Variants in TTLL7 observed in about 807,000 individuals in gnomAD.
TTLL7 encodes the protein tubulin polyglutamylase TTLL7.
TTLL7 carries 53 observed loss-of-function variants against 120.2 expected under a neutral mutation model. That is an observed-to-expected ratio of 0.44 (90% CI 0.35 to 0.55). TTLL7 has a LOEUF of 0.55. Ranked by LOEUF, TTLL7 falls within the 20% of genes least tolerant of loss-of-function variation. The pLI is 0.00. For missense variants in TTLL7, 803 were observed against 1,054.7 expected, an observed-to-expected ratio of 0.76 and a Z score of 3.31; for synonymous variants, 353 against 351.7, an observed-to-expected ratio of 1.00 and a Z score of -0.04.
intron 7 of TTLL7, among the ~76,000 whole-genome samples, chr1:83,941,131 T>C (rs1647923109): frequency 6.6e-6 from 1 of 152,216 alleles, no homozygotes; most frequent in Non-Finnish European, 1.5e-5. Context: ...TAACTCCTCA[T>C]TATTCAGATT....
intron 1 of TTLL7, among the ~76,000 whole-genome samples, chr1:83,989,902 T>C (rs1442475594): frequency 6.6e-6 from 1 of 152,212 alleles, no homozygotes; most frequent in East Asian, 1.9e-4. Flanking sequence ...GATGTATTCT[T>C]AGGCTTTGGT....
chr1:83,941,663 ATAGT>A (rs1647979106), intron 7 of TTLL7, among the ~76,000 whole-genome samples: 1 of 152,240 alleles, frequency 6.6e-6, no homozygotes, highest in Admixed American at 6.5e-5. Flanking sequence ...AATTTTAACT[ATAGT>A]TAGGTAATTC....
chr1:83,870,927 T>C (rs1044687651), intron 20 of TTLL7, among the ~76,000 whole-genome samples: 1 of 150,866 alleles, frequency 6.6e-6, no homozygotes, highest in African/African-American at 2.4e-5. Context: ...AAAAAAATCA[T>C]GATTACGGGT....
chr1:83,993,947 C>T (rs948799051), intron 1 of TTLL7, among the ~76,000 whole-genome samples: 15 of 152,168 alleles, frequency 9.9e-5, no homozygotes, highest in African/African-American at 3.6e-4. Context: ...TCTACTTTAA[C>T]TTAACTCCAG....
At chr1:83,894,398 A>G (rs1656040598) in intron 18 of TTLL7, among the ~76,000 whole-genome samples, 2 of 152,116 alleles carry the variant, frequency 1.3e-5, no homozygotes, top group Non-Finnish European at 1.5e-5. Context: ...TAAAATGATA[A>G]AGGATTTGAG....
chr1:83,957,750 C>T (rs1421491527), intron 1 of TTLL7, among the ~76,000 whole-genome samples: 1 of 152,124 alleles, frequency 6.6e-6, no homozygotes, highest in African/African-American at 2.4e-5. Flanking sequence ...CGCAAAGATG[C>T]TTGATTTTGT....
intron 1 of TTLL7, among the ~76,000 whole-genome samples, chr1:83,961,850 T>C (rs567276397): frequency 6.6e-6 from 1 of 152,230 alleles, no homozygotes; most frequent in South Asian, 2.1e-4. Flanking sequence ...TCACTCACAT[T>C]TGTCAATCCA....
rs1202607248 is a variant in TTLL7, at chr1:83,929,119, T to C, written c.1142+17A>G. On this transcript the variant is annotated intron_variant, in intron 10 of 20. Coordinates refer to ENST00000260505, the MANE Select transcript of TTLL7 (RefSeq NM_024686.6). The stretch of plus-strand genomic sequence containing the variant: ...AATGTGGAGATAAATGTCCAAAAGA[T>C]AGAGAGAGTATTTTACCTTATGTTT... The C allele has an allele frequency of 1.3e-6, 2 of 1,555,452 alleles. No individual in the cohort carries two copies. Among genetic ancestry groups the C allele is most frequent in the East Asian group, 4.6e-5 (2 of 43,544 alleles).
At chr1:83,947,421 C>A in intron 5 of TTLL7, 139 bp from the exon 6 acceptor site, 1 of 736,282 alleles carries the variant, frequency 1.4e-6, no homozygotes. Context: ...TTCATTCATT[C>A]AACAAATGTC....
chr1:83,938,600 C>T (rs1014122700), intron 7 of TTLL7, among the ~76,000 whole-genome samples: 2 of 152,180 alleles, frequency 1.3e-5, no homozygotes, highest in Non-Finnish European at 2.9e-5. Context: ...CCACATAATA[C>T]TGTGCAGGTG....
chr1:83,985,191 C>T (rs1652331189), intron 1 of TTLL7, among the ~76,000 whole-genome samples: 2 of 152,116 alleles, frequency 1.3e-5, no homozygotes, highest in African/African-American at 2.4e-5. Flanking sequence ...CCAGGGAAGC[C>T]GACAGTATAG....
At chr1:83,909,017 T>C (rs1571148559) in intron 15 of TTLL7, among the ~76,000 whole-genome samples, 1 of 151,890 alleles carries the variant, frequency 6.6e-6, no homozygotes, top group South Asian at 2.1e-4. Context: ...TCTATATTTC[T>C]AGAGAAGGGC....
intron 17 of TTLL7, among the ~76,000 whole-genome samples, chr1:83,905,090 T>C (rs1453442560): frequency 6.6e-6 from 1 of 151,940 alleles, no homozygotes; most frequent in African/African-American, 2.4e-5. Context: ...CTCTAAGAAA[T>C]ATATAAAATA....
chr1:83,952,246 G>A lies in TTLL7; in HGVS notation c.-35C>T, dbSNP rs371676606. On this transcript the variant is annotated 5_prime_UTR_variant, in exon 2 of 21. Coordinates refer to ENST00000260505, the MANE Select transcript of TTLL7 (RefSeq NM_024686.6). ...TGCTGATTAGCAAGCAGTGTGTGCT[G>A]CTGTACCAAGCTCTCAGGAAATCTG... is the stretch of plus-strand genomic sequence containing the variant. 6.6e-5 allele frequency: 107 copies of A among 1,612,000 alleles called. No individual in the cohort carries two copies. Among genetic ancestry groups the A allele is most frequent in the Non-Finnish European group, 8.4e-5 (99 of 1,179,076 alleles).
At position 83,951,969 on chromosome 1, in the gene TTLL7, C is replaced by T. The variant is rs764815086; in HGVS notation, c.33G>A (p.Gln11=). MPSLPQEGVI[Q]GPSPLDLNTE... is the part of the protein sequence containing the mutation. ...TATTCAAATCCAGGGGAGAGGGTCCCTGAATAACTTTAAAAAAATGTAAAA... is the reference window on the plus strand; with the variant it reads ...TATTCAAATCCAGGGGAGAGGGTCCTTGAATAACTTTAAAAAAATGTAAAA... The change falls in exon 3 of 21, where the codon CAG becomes CAA. Residue 11 remains glutamine, a synonymous_variant. Coordinates refer to ENST00000260505, the MANE Select transcript of TTLL7 (RefSeq NM_024686.6). 2 of 1,601,044 alleles carry T rather than the reference C, an allele frequency of 1.2e-6. No homozygotes were observed. The highest frequency in any genetic ancestry group is 1.8e-5 in the Admixed American group (1 of 56,796).
At chr1:83,888,107 T>A (rs549779533) in intron 19 of TTLL7, among the ~76,000 whole-genome samples, 3 of 152,106 alleles carry the variant, frequency 2.0e-5, no homozygotes, top group Admixed American at 2.0e-4. Flanking sequence ...TTCATGGGTA[T>A]CTTTAGGGTC....
intron 18 of TTLL7, among the ~76,000 whole-genome samples, chr1:83,897,879 A>AAAC (rs1184847424): frequency 1.3e-5 from 2 of 151,622 alleles, no homozygotes; most frequent in African/African-American, 2.4e-5. Context: ...AAAAAAAAAA[A>AAAC]AAAAAACTTT....
At chr1:83,914,775 C>A (rs916545575) in intron 14 of TTLL7, among the ~76,000 whole-genome samples, 5 of 152,178 alleles carry the variant, frequency 3.3e-5, no homozygotes, top group African/African-American at 9.7e-5. Flanking sequence ...TATTATAGTA[C>A]TTGCCACATT....
chr1:83,964,862 T>A (rs1311411665), intron 1 of TTLL7, among the ~76,000 whole-genome samples: 1 of 152,156 alleles, frequency 6.6e-6, no homozygotes, highest in Non-Finnish European at 1.5e-5. Flanking sequence ...TTATACTAAA[T>A]CAACAAAGCT....
Sources: allele counts gnomAD v4.1 joint callset (sites outside exome capture counted in the v4.1 genomes callset), GRCh38; gene constraint gnomAD v4.1.1; transcripts MANE v1.5; gene names NCBI Gene and HGNC (gene_info 2026-07-23, HGNC 2026-07-21).